The following DLGAP1 variants were observed in gnomAD, a reference collection of about 807,000 sequenced individuals.
DLGAP1 encodes the protein DLG associated protein 1, also known as disks large-associated protein 1.
Under a neutral mutation model 90.8 loss-of-function variants are expected in DLGAP1, and 11 were observed. That is an observed-to-expected ratio of 0.12 (90% CI 0.08 to 0.20). The LOEUF (loss-of-function observed/expected upper bound fraction) is 0.20. Among genes scored for constraint, DLGAP1 ranks in the 10% least tolerant of loss-of-function variants. The probability of loss-of-function intolerance (pLI) is 1.00; values close to 1 mark genes in which losing one functional copy is unlikely to be tolerated. For synonymous variants in DLGAP1, 558 were observed against 540.7 expected (o/e 1.03, Z -0.44); for missense variants, 1,050 against 1,333.8 (o/e 0.79, Z 3.31).
chr18:3,791,482 C>T (rs1451241269), intron 5 of DLGAP1, among the ~76,000 whole-genome samples: 1 of 151,840 alleles, frequency 6.6e-6, no homozygotes, highest in Non-Finnish European at 1.5e-5. Context: ...CTGTATGATG[C>T]CATTTATTGA....
chr18:4,243,720 T>G (rs1373682902), intron 1 of DLGAP1, among the ~76,000 whole-genome samples: 1 of 152,334 alleles, frequency 6.6e-6, no homozygotes, highest in South Asian at 2.1e-4. Context: ...GGATATCTCC[T>G]TGGCATCAGA....
At chr18:3,736,461 G>A (rs2062642416) in intron 6 of DLGAP1, among the ~76,000 whole-genome samples, 1 of 152,166 alleles carries the variant, frequency 6.6e-6, no homozygotes, top group Non-Finnish European at 1.5e-5. Context: ...ACTCCTTGGT[G>A]TACTCAACTT....
chr18:4,271,755 T>TAACCC (rs2079289461), intron 1 of DLGAP1, among the ~76,000 whole-genome samples: 1 of 152,206 alleles, frequency 6.6e-6, no homozygotes, highest in African/African-American at 2.4e-5. Context: ...TTAGTGATTT[T>TAACCC]AACCCACCTA....
chr18:3,496,544 G>GT lies in DLGAP1; in HGVS notation c.*2640dup, dbSNP rs201797474. The GT allele has an allele frequency of 7.7e-3, 1,173 of 152,094 alleles. 12 individuals carry two copies. Among genetic ancestry groups the GT allele is most frequent in the African/African-American group, 0.027 (1,115 of 41,484 alleles). 9.4% of individuals were successfully genotyped at this position (152,094 alleles called of 1,614,324 possible). A position where few individuals can be genotyped will look rare whatever the true frequency, so the allele number is the denominator to read the frequency against. ...TAATAAATACTTAATTTCTTTGAAC[G>GT]TTTTTTGATGTGGGAGACAAACTTC... On this transcript the variant is annotated 3_prime_UTR_variant, in exon 13 of 13. Transcript: ENST00000315677.
intron 1 of DLGAP1, among the ~76,000 whole-genome samples, chr18:4,319,931 G>T (rs1456955050): frequency 6.6e-6 from 1 of 151,870 alleles, no homozygotes; most frequent in African/African-American, 2.4e-5. Flanking sequence ...CTCATTCTGG[G>T]GTCTCAGCCC....
At chr18:3,741,051 A>C (rs2062923691) in intron 6 of DLGAP1, among the ~76,000 whole-genome samples, 2 of 105,608 alleles carry the variant, frequency 1.9e-5, no homozygotes, top group Admixed American at 9.7e-5. Context: ...CCTCACCACC[A>C]CCACCATCAC....
chr18:4,103,017 T>C (rs2075804492), intron 2 of DLGAP1, among the ~76,000 whole-genome samples: 1 of 152,240 alleles, frequency 6.6e-6, no homozygotes, highest in Non-Finnish European at 1.5e-5. Context: ...CCTGTCTCTC[T>C]GGGACCTGCA....
At chr18:3,608,899 C>T (rs1001003905) in intron 7 of DLGAP1, among the ~76,000 whole-genome samples, 1 of 152,180 alleles carries the variant, frequency 6.6e-6, no homozygotes, top group South Asian at 2.1e-4. Context: ...GTGTAGTGCA[C>T]GATCTCAGCT....
intron 2 of DLGAP1, among the ~76,000 whole-genome samples, chr18:4,023,645 C>T (rs191014819): frequency 3.9e-4 from 59 of 152,108 alleles, no homozygotes; most frequent in African/African-American, 1.3e-3. Context: ...TTAAATTGGT[C>T]TTCTTGCTAG....
intron 9 of DLGAP1, among the ~76,000 whole-genome samples, chr18:3,540,830 G>GTTT (rs2052651809): frequency 6.6e-6 from 1 of 152,164 alleles, no homozygotes; most frequent in Non-Finnish European, 1.5e-5. Flanking sequence ...TAATTGTGAT[G>GTTT]TTTTTCTCAA....
At chr18:4,136,779 G>A (rs1286311691) in intron 2 of DLGAP1, among the ~76,000 whole-genome samples, 3 of 152,004 alleles carry the variant, frequency 2.0e-5, no homozygotes, top group Admixed American at 1.3e-4. Context: ...TTGGTTACCT[G>A]TATTTGTGGC....
intron 4 of DLGAP1, among the ~76,000 whole-genome samples, chr18:3,875,377 T>A (rs2038511956): frequency 1.3e-5 from 2 of 152,220 alleles, no homozygotes; most frequent in South Asian, 4.1e-4. Context: ...TTGTTGTCTA[T>A]AAAACTAAAG....
intron 1 of DLGAP1, among the ~76,000 whole-genome samples, chr18:4,396,157 A>G (rs1002505123): frequency 1.3e-5 from 2 of 152,356 alleles, no homozygotes; most frequent in East Asian, 1.9e-4. Context: ...GCAAATACAA[A>G]TTTAACATTC....
At chr18:4,097,932 G>C (rs2075710903) in intron 2 of DLGAP1, among the ~76,000 whole-genome samples, 2 of 150,976 alleles carry the variant, frequency 1.3e-5, no homozygotes, top group Non-Finnish European at 2.9e-5. Flanking sequence ...TTCTTTTTTT[G>C]AGACAGGATC....
intron 2 of DLGAP1, among the ~76,000 whole-genome samples, chr18:4,082,202 C>T (rs926246398): frequency 2.0e-5 from 3 of 151,706 alleles, no homozygotes; most frequent in African/African-American, 4.8e-5. Flanking sequence ...ATTAGCTGGG[C>T]GTGGCAGTGT....
chr18:4,181,918 C>T lies in DLGAP1; in HGVS notation c.-266-30631G>A, dbSNP rs562812515. Among the ~76,000 whole-genome samples, 8 of 152,166 alleles carry T rather than the reference C, an allele frequency of 5.3e-5. No individual in the cohort carries two copies. The East Asian group carries it at 1.2e-3, about 22-fold the overall frequency. ...CCATTAGAAGAAACACCAGTAGCAA[C>T]ATATGTATTCCAATCTGTAGCACTA... On this transcript the variant is annotated intron_variant, in intron 1 of 12. Transcript: ENST00000315677.
intron 3 of DLGAP1, chr18:3,978,264 C>T: frequency 4.9e-6 from 2 of 409,316 alleles, no homozygotes; most frequent in East Asian, 6.8e-5. Context: ...GGTGATGACC[C>T]TTTTGGTACC....
At chr18:3,880,649 CT>C (rs2071131507) in intron 3 of DLGAP1, among the ~76,000 whole-genome samples, 1 of 151,908 alleles carries the variant, frequency 6.6e-6, no homozygotes. Context: ...AGCTAGAAAA[CT>C]AGAAAAAGGA....
chr18:3,832,047 C>T (rs2068058692), intron 4 of DLGAP1, among the ~76,000 whole-genome samples: 2 of 152,168 alleles, frequency 1.3e-5, no homozygotes, highest in African/African-American at 4.8e-5. Flanking sequence ...ATCATGCCAA[C>T]CTTTTGATGG....
Sources: allele counts gnomAD v4.1 joint callset (sites outside exome capture counted in the v4.1 genomes callset), GRCh38; gene constraint gnomAD v4.1.1; transcripts MANE v1.5; gene names NCBI Gene and HGNC (gene_info 2026-07-23, HGNC 2026-07-21).